Variants in PLAAT3 observed in about 807,000 individuals in gnomAD.
The protein encoded by PLAAT3 is Ca-independent phospholipase A1/2.
Under a neutral mutation model 16.7 loss-of-function variants are expected in PLAAT3, and 21 were observed. The ratio of observed to expected loss-of-function variants is 1.26; its 90% confidence interval spans 0.89 to 1.81. The LOEUF (loss-of-function observed/expected upper bound fraction) is 1.81, where lower values mean the gene tolerates loss of function less well. PLAAT3 is among the 40% of genes most tolerant of loss of function. The probability of loss-of-function intolerance (pLI) is 0.00; values close to 1 mark genes in which losing one functional copy is unlikely to be tolerated. For missense variants in PLAAT3, 219 were observed against 213.7 expected, an observed-to-expected ratio of 1.02 and a Z score of -0.16; for synonymous variants, 76 against 81.7, an observed-to-expected ratio of 0.93 and a Z score of 0.38.
chr11:63,594,893 G>T (rs1250999485), intron 3 of PLAAT3, among the ~76,000 whole-genome samples: 1 of 149,512 alleles, frequency 6.7e-6, no homozygotes, highest in East Asian at 1.9e-4. Context: ...AGAGGAGGGG[G>T]TGGGGGTACA....
In PLAAT3 at chr11:63,598,058, T is replaced by C; in HGVS notation, c.118+3A>G. On this transcript the variant is annotated splice_donor_region_variant and intron_variant, in intron 3 of 4. Transcript: ENST00000415826. ...TCACAGTGGAGGTCCCATGTGTTCT[T>C]ACTTGGAGGGGCCAGATGAACCACA... 6.2e-7 allele frequency: 1 copy of C among 1,601,714 alleles called. No individual in the cohort carries two copies. Among genetic ancestry groups the C allele is most frequent in the Non-Finnish European group, 8.6e-7 (1 of 1,168,658 alleles).
At chr11:63,613,418 A>G (rs897295822) in intron 2 of PLAAT3, among the ~76,000 whole-genome samples, 1 of 19,876 alleles carries the variant, frequency 5.0e-5, no homozygotes, top group African/African-American at 5.7e-5. Context: ...CTCAAAAAAT[A>G]AAAATAAAAA....
At chr11:63,584,723 G>A (rs1937920353) in intron 4 of PLAAT3, among the ~76,000 whole-genome samples, 1 of 151,928 alleles carries the variant, frequency 6.6e-6, no homozygotes, top group African/African-American at 2.4e-5. Context: ...GGTTAGCCAG[G>A]ATGGTCTTGA....
intron 3 of PLAAT3, among the ~76,000 whole-genome samples, chr11:63,592,336 T>C (rs896803733): frequency 6.6e-6 from 1 of 152,064 alleles, no homozygotes; most frequent in Non-Finnish European, 1.5e-5. Context: ...CCAGCTAATT[T>C]TTATATTTTC....
Position 63,590,368 on chromosome 11 carries a change from C to T in PLAAT3, c.119G>A (p.Ser40Asn), listed in dbSNP as rs746579041. The T allele has an allele frequency of 6.2e-7, 1 of 1,613,616 alleles. No individual in the cohort carries two copies. Among genetic ancestry groups the T allele is most frequent in the Non-Finnish European group, 8.5e-7 (1 of 1,179,808 alleles). The change falls in exon 4 of 5, where the codon AGT becomes AAT. Residue 40 changes from serine to asparagine, a missense_variant and splice_region_variant. Ser to Asn is a conservative substitution (Grantham distance 46). Transcript: ENST00000415826. ...GGCTGCACCAGCTCCTGCGACCTCA[C>T]CTGCAGATCCACAAAGAGGAAACAG... ...DGYVVHLAPP[S>N]EVAGAGAASV...
chr11:63,580,883 A>G (rs1217209436), intron 4 of PLAAT3, among the ~76,000 whole-genome samples: 1 of 152,210 alleles, frequency 6.6e-6, no homozygotes, highest in Non-Finnish European at 1.5e-5. Flanking sequence ...GGACCAGCTG[A>G]AGCCACAGCA....
upstream of PLAAT3, among the ~76,000 whole-genome samples, chr11:63,615,092 A>ATATATGTGTGTATATATGTGTGTT (rs1938811177): frequency 1.2e-5 from 1 of 82,324 alleles, no homozygotes; most frequent in African/African-American, 4.0e-5. Context: ...ATATATGTGT[A>ATATATGTGTGTATATATGTGTGTT]TATATGTGTA....
intron 4 of PLAAT3, among the ~76,000 whole-genome samples, chr11:63,581,309 G>T (rs944471591): frequency 2.0e-5 from 3 of 152,216 alleles, no homozygotes; most frequent in Non-Finnish European, 4.4e-5. Flanking sequence ...ACAGATGTGT[G>T]AGTAGGAGAA....
chr11:63,580,786 C>G (rs1937788197), intron 4 of PLAAT3, among the ~76,000 whole-genome samples: 1 of 152,186 alleles, frequency 6.6e-6, no homozygotes, highest in African/African-American at 2.4e-5. Context: ...AAGACTCAAC[C>G]AGCCATTGCT....
At chr11:63,593,169 C>G (rs1938194368) in intron 3 of PLAAT3, among the ~76,000 whole-genome samples, 1 of 152,188 alleles carries the variant, frequency 6.6e-6, no homozygotes. Flanking sequence ...TGCCCTCAAG[C>G]AATTCCCATG....
At chr11:63,607,417 C>T (rs1201543829) in intron 2 of PLAAT3, among the ~76,000 whole-genome samples, 1 of 152,046 alleles carries the variant, frequency 6.6e-6, no homozygotes, top group Non-Finnish European at 1.5e-5. Context: ...GTCCCAGCTA[C>T]TCAGGAGGCT....
rs1376023720 is a variant in PLAAT3, at chr11:63,607,803, A to G, written c.15+6197T>C. On this transcript the variant is annotated intron_variant, in intron 2 of 4. Coordinates refer to ENST00000415826, the MANE Select transcript of PLAAT3 (RefSeq NM_001128203.2). ...GAGGGCAGGCAGGGCAGGGGCTTCC[A>G]CTGTGGTGAGTGGGAATCTCAAGGT... is the stretch of plus-strand genomic sequence containing the variant. Among the ~76,000 whole-genome samples, 3 of 151,934 alleles carry G rather than the reference A, an allele frequency of 2.0e-5. No individual in the cohort carries two copies. The East Asian group carries it at 5.8e-4, about 30-fold the overall frequency.
chr11:63,576,169 T>G (rs2017656821), intron 4 of PLAAT3, among the ~76,000 whole-genome samples: 1 of 152,142 alleles, frequency 6.6e-6, no homozygotes, highest in Admixed American at 6.5e-5. Flanking sequence ...ATACCAATAC[T>G]GGGAATTCCC....
chr11:63,593,679 C>T (rs1014473617), intron 3 of PLAAT3, among the ~76,000 whole-genome samples: 3 of 152,036 alleles, frequency 2.0e-5, no homozygotes, highest in Admixed American at 6.6e-5. Flanking sequence ...CCTCAGCCTC[C>T]GCCTCCTGCT....
chr11:63,595,207 C>A (rs1938257891), intron 3 of PLAAT3, among the ~76,000 whole-genome samples: 1 of 149,422 alleles, frequency 6.7e-6, no homozygotes, highest in Admixed American at 6.8e-5. Flanking sequence ...AGGAGACTCG[C>A]TTAAAAGCAG....
chr11:63,578,128 A>AC, intron 4 of PLAAT3, among the ~76,000 whole-genome samples: 1 of 151,842 alleles, frequency 6.6e-6, no homozygotes, highest in South Asian at 2.1e-4. Flanking sequence ...CTAAAAATAC[A>AC]AAAAATTAGC....
chr11:63,588,882 A>C (rs1590687524), intron 4 of PLAAT3, among the ~76,000 whole-genome samples: 1 of 151,636 alleles, frequency 6.6e-6, no homozygotes, highest in African/African-American at 2.4e-5. Context: ...TGAAGAGAGT[A>C]AGAGTGATTC....
chr11:63,615,030 G>GTATATA (rs1241966323), upstream of PLAAT3, among the ~76,000 whole-genome samples: 205 of 34,220 alleles, frequency 6.0e-3, 27 homozygotes, highest in Non-Finnish European at 9.4e-3. Flanking sequence ...ATATATATGT[G>GTATATA]TGTATATATA....
chr11:63,610,866 A>C (rs1938674675), intron 2 of PLAAT3, among the ~76,000 whole-genome samples: 1 of 152,096 alleles, frequency 6.6e-6, no homozygotes, highest in Non-Finnish European at 1.5e-5. Flanking sequence ...TCATTCTAGC[A>C]AATTTGGAAC....
Sources: gnomAD v4.1 joint callset for allele counts (sites outside exome capture counted in the v4.1 genomes callset) on GRCh38, gnomAD v4.1.1 for gene constraint, MANE v1.5 for transcripts, NCBI Gene and HGNC (gene_info 2026-07-23, HGNC 2026-07-21) for gene names.